Variants in ABCG2 observed in about 807,000 individuals in gnomAD.
The protein encoded by ABCG2 is ATP binding cassette subfamily G member 2 (JR blood group).
ABCG2 carries 80 observed loss-of-function variants against 73.5 expected under a neutral mutation model. That is an observed-to-expected ratio of 1.09 (90% CI 0.91 to 1.31). The LOEUF (loss-of-function observed/expected upper bound fraction) is 1.31. Among genes scored for constraint, ABCG2 ranks in the 50% most tolerant of loss-of-function variants. The pLI, the probability that ABCG2 is intolerant of heterozygous loss-of-function variation, is 0.00. For synonymous variants in ABCG2, 269 were observed against 282.4 expected (o/e 0.95, Z 0.48); for missense variants, 796 against 786.2 (o/e 1.01, Z -0.15).
At chr4:88,158,827 G>C (rs1727142779), upstream of ABCG2, 1 of 334,576 alleles carries the variant, frequency 3.0e-6, no homozygotes, top group Non-Finnish European at 5.7e-6. Flanking sequence ...GGGAGACCCG[G>C]ACATCCAGGG....
At chr4:88,227,949 C>T (rs1262572034) in intron 1 of ABCG2, among the ~76,000 whole-genome samples, 2 of 151,966 alleles carry the variant, frequency 1.3e-5, no homozygotes, top group Non-Finnish European at 2.9e-5. Context: ...CCCAGCACAC[C>T]CACAGACCAG....
chr4:88,206,705 G>T (rs1729393950), intron 1 of ABCG2, among the ~76,000 whole-genome samples: 1 of 151,944 alleles, frequency 6.6e-6, no homozygotes, highest in South Asian at 2.1e-4. Context: ...CTAGATCCAG[G>T]CCCACCTTCT....
intron 1 of ABCG2, among the ~76,000 whole-genome samples, chr4:88,206,220 A>G: frequency 6.6e-6 from 1 of 152,162 alleles, no homozygotes; most frequent in Non-Finnish European, 1.5e-5. Context: ...TGGGAGGCCA[A>G]GGTGGGAGCT....
intron 1 of ABCG2, among the ~76,000 whole-genome samples, chr4:88,141,634 G>A (rs561393507): frequency 2.0e-5 from 3 of 152,162 alleles, no homozygotes; most frequent in Non-Finnish European, 4.4e-5. Flanking sequence ...CACTCTCTAT[G>A]AAGATATCAT....
chr4:88,195,245 T>G (rs929051149), intron 1 of ABCG2, among the ~76,000 whole-genome samples: 2 of 152,108 alleles, frequency 1.3e-5, no homozygotes, highest in Non-Finnish European at 2.9e-5. Context: ...AAAAATAAAA[T>G]ATTCCAGATT....
upstream of ABCG2, among the ~76,000 whole-genome samples, chr4:88,159,780 A>T (rs911049518): frequency 2.6e-5 from 4 of 152,230 alleles, no homozygotes; most frequent in South Asian, 4.1e-4. Context: ...ATAATTTTTT[A>T]AAAAGAATTT....
chr4:88,221,288 T>C (rs116251394), intron 1 of ABCG2, among the ~76,000 whole-genome samples: 4,600 of 151,938 alleles, frequency 0.03, 105 homozygotes, highest in Non-Finnish European at 0.051. Context: ...ATAAATAAAA[T>C]AAAAATAAAC....
intron 1 of ABCG2, among the ~76,000 whole-genome samples, chr4:88,222,444 T>C (rs929536315): frequency 1.3e-5 from 2 of 152,074 alleles, no homozygotes; most frequent in Non-Finnish European, 1.5e-5. Context: ...TGATAGTGAA[T>C]GAGTCTCATG....
chr4:88,115,700 G>C (rs537277506), intron 7 of ABCG2, among the ~76,000 whole-genome samples: 1 of 151,728 alleles, frequency 6.6e-6, no homozygotes, highest in East Asian at 1.9e-4. Flanking sequence ...ATTAGTGCTT[G>C]GTCCTTACCT....
chr4:88,099,353 A>G lies in ABCG2; in HGVS notation c.1463T>C (p.Ile488Thr), dbSNP rs770160548. 6.2e-7 allele frequency: 1 copy of G among 1,611,360 alleles called. No homozygotes were observed. Among genetic ancestry groups the G allele is most frequent in the Admixed American group, 1.7e-5 (1 of 59,668 alleles). The change falls in exon 12 of 16, where the codon ATA (isoleucine) becomes ACA (threonine). Residue 488 changes from isoleucine (I) to threonine (T), a missense_variant. By Grantham distance (89) the Ile-to-Thr change is moderately conservative. Coordinates refer to ENST00000237612, the MANE Select transcript of ABCG2 (RefSeq NM_004827.3). ...CATGAAGTACACTATACAGGTAAATATAATACTTGGTAACATCCTCATGGG... is the reference window on the plus strand; with the variant it reads ...CATGAAGTACACTATACAGGTAAATGTAATACTTGGTAACATCCTCATGGG... ...LLPMRMLPSI[I>T]FTCIVYFMLG...
chr4:88,177,405 T>C (rs1728048461), intron 1 of ABCG2, among the ~76,000 whole-genome samples: 1 of 151,772 alleles, frequency 6.6e-6, no homozygotes, highest in Admixed American at 6.6e-5. Flanking sequence ...AAAAGAAGAA[T>C]ATTACCCTTG....
intron 10 of ABCG2, among the ~76,000 whole-genome samples, chr4:88,104,664 G>GAA (rs34090520): frequency 6.2e-4 from 93 of 150,138 alleles, no homozygotes; most frequent in African/African-American, 2.1e-3. Context: ...AGCTTTGGGG[G>GAA]AAAAAAAAAA....
chr4:88,169,061 T>C (rs1727653205), intron 1 of ABCG2, among the ~76,000 whole-genome samples: 1 of 151,646 alleles, frequency 6.6e-6, no homozygotes, highest in Non-Finnish European at 1.5e-5. Context: ...TTTTTTTTTT[T>C]TTGAGACAAG....
chr4:88,093,341 A>G (rs1721767666), intron 15 of ABCG2, among the ~76,000 whole-genome samples: 1 of 151,962 alleles, frequency 6.6e-6, no homozygotes. Flanking sequence ...CATCTCTACT[A>G]AAAATACAAA....
upstream of ABCG2, among the ~76,000 whole-genome samples, chr4:88,160,443 T>C (rs1727246003): frequency 6.6e-6 from 1 of 152,030 alleles, no homozygotes; most frequent in South Asian, 2.1e-4. Context: ...AGGAGGAGAC[T>C]GAACAAAAAT....
chr4:88,111,786 G>C (rs1723149456), intron 9 of ABCG2, among the ~76,000 whole-genome samples: 3 of 152,138 alleles, frequency 2.0e-5, no homozygotes, highest in Admixed American at 6.5e-5. Flanking sequence ...TTGGGTGACA[G>C]AGGGGTTAAG....
At position 88,134,775 on chromosome 4, in the gene ABCG2, A is replaced by G. The variant is rs181501008; in HGVS notation, c.204-2140T>C. On this transcript the variant is annotated intron_variant, in intron 2 of 15. Transcript: ENST00000237612. The stretch of plus-strand genomic sequence containing the variant: ...ATTACAGAAAACAACAACAATGTCC[A>G]GTCATAAATGCCAAGAGTTTCCATT... Among the ~76,000 whole-genome samples the G allele has an allele frequency of 4.5e-4, 68 of 152,384 alleles. 1 individual carries two copies. The highest frequency in any genetic ancestry group is 1.5e-3 in the African/African-American group (64 of 41,594).
chr4:88,107,116 T>G, intron 10 of ABCG2, 68 bp downstream of exon 10: 2 of 1,191,942 alleles, frequency 1.7e-6, no homozygotes, highest in Non-Finnish European at 2.4e-6. Flanking sequence ...TTCAAATTCT[T>G]AATGGATTTC....
At chr4:88,210,147 A>G (rs1729534108) in intron 1 of ABCG2, among the ~76,000 whole-genome samples, 1 of 152,006 alleles carries the variant, frequency 6.6e-6, no homozygotes, top group Non-Finnish European at 1.5e-5. Flanking sequence ...TGAATTAGAT[A>G]TAATTAGGTT....
Sources: gnomAD v4.1 joint callset for allele counts (sites outside exome capture counted in the v4.1 genomes callset) on GRCh38, gnomAD v4.1.1 for gene constraint, MANE v1.5 for transcripts, NCBI Gene and HGNC (gene_info 2026-07-23, HGNC 2026-07-21) for gene names.